Variants in TBC1D15 observed in about 807,000 individuals in gnomAD.
The protein encoded by TBC1D15 is GAP for RAB7.
A neutral mutation model predicts 95.4 loss-of-function variants in TBC1D15; 39 were observed. The ratio of observed to expected loss-of-function variants is 0.41; its 90% CI spans 0.32 to 0.53. The LOEUF (loss-of-function observed/expected upper bound fraction) is 0.53, where lower values mean the gene tolerates loss of function less well. Among genes scored for constraint, TBC1D15 ranks in the 20% least tolerant of loss-of-function variants. TBC1D15 has a pLI of 0.29. For synonymous variants in TBC1D15, 258 were observed against 261.3 expected (o/e 0.99, Z 0.12); for missense variants, 733 against 794.3 (o/e 0.92, Z 0.93).
chr12:71,917,684 A>T lies in TBC1D15; in HGVS notation c.1402-14A>T, dbSNP rs759681855. 1.3e-6 allele frequency: 2 copies of T among 1,546,222 alleles called. No homozygotes were observed. The highest frequency in any genetic ancestry group is 1.8e-6 in the Non-Finnish European group (2 of 1,122,386). On this transcript the variant is annotated splice_polypyrimidine_tract_variant and intron_variant, in intron 12 of 16. Transcript: ENST00000485960. ...TTATTAAATATTACTTGTAACAATT[A>T]TTTCCTTTTAAAGCATCAGAATTTT...
intron 5 of TBC1D15, among the ~76,000 whole-genome samples, chr12:71,890,149 G>A (rs952185952): frequency 6.6e-6 from 1 of 152,038 alleles, no homozygotes; most frequent in Non-Finnish European, 1.5e-5. Flanking sequence ...CAAATAAGTG[G>A]AATTCCCAAA....
chr12:71,918,725 C>A (rs1017823545), intron 14 of TBC1D15, among the ~76,000 whole-genome samples, 177 bp downstream of exon 14: 1 of 152,122 alleles, frequency 6.6e-6, no homozygotes, highest in African/African-American at 2.4e-5. Flanking sequence ...AATATTTGGT[C>A]TTTTGGAGCT....
intron 1 of TBC1D15, among the ~76,000 whole-genome samples, chr12:71,844,804 A>G (rs1885906725): frequency 6.6e-6 from 1 of 152,166 alleles, no homozygotes; most frequent in Admixed American, 6.5e-5. Flanking sequence ...TTCCTCTATT[A>G]CACTCTACTA....
At chr12:71,899,122 T>G (rs1898800955) in intron 10 of TBC1D15, among the ~76,000 whole-genome samples, 1 of 152,206 alleles carries the variant, frequency 6.6e-6, no homozygotes, top group African/African-American at 2.4e-5. Context: ...TAAACCTGTA[T>G]TTTAAGCCTC....
At chr12:71,910,401 A>C (rs1901926000) in intron 11 of TBC1D15, among the ~76,000 whole-genome samples, 1 of 150,612 alleles carries the variant, frequency 6.6e-6, no homozygotes, top group Admixed American at 6.6e-5. Context: ...CTGTGAAGAA[A>C]GTCATTGGTA....
At position 71,915,151 on chromosome 12, in the gene TBC1D15, CCTT is replaced by C. The variant is rs142669208; in HGVS notation, c.1401+1229_1401+1231del. On this transcript the variant is annotated intron_variant, in intron 12 of 16. Coordinates refer to ENST00000485960, the MANE Select transcript of TBC1D15 (RefSeq NM_001146213.3). ...CTTCCTTTTTTGATTGATTTGTCTACCTTCTTAGTTCCATTTACTCCCAAGTGC... is the reference window on the plus strand; with the variant it reads ...CTTCCTTTTTTGATTGATTTGTCTACCTTAGTTCCATTTACTCCCAAGTGC... Among the ~76,000 whole-genome samples the C allele has an allele frequency of 8.8e-4, 134 of 151,866 alleles. 1 individual carries two copies. The East Asian group carries it at 0.018, about 21-fold the overall frequency.
chr12:71,906,916 A>G (rs1216792910), intron 10 of TBC1D15, 106 bp from the exon 11 acceptor site: 2 of 542,074 alleles, frequency 3.7e-6, no homozygotes, highest in Non-Finnish European at 6.3e-6. Context: ...AAGCTTGGTG[A>G]GTGAAATTAA....
At chr12:71,880,371 G>A (rs555575156) in intron 3 of TBC1D15, 98 bp from the exon 4 acceptor site, 25 of 1,004,408 alleles carry the variant, frequency 2.5e-5, no homozygotes, top group Admixed American at 8.3e-5. Flanking sequence ...CAGTGATGTC[G>A]TCTGCAGCCT....
At chr12:71,901,506 G>T (rs941885766) in intron 10 of TBC1D15, among the ~76,000 whole-genome samples, 1 of 152,066 alleles carries the variant, frequency 6.6e-6, no homozygotes, top group Non-Finnish European at 1.5e-5. Context: ...CATGGGACTG[G>T]AGATAAATTT....
chr12:71,878,766 C>T (rs1894511818), intron 3 of TBC1D15, among the ~76,000 whole-genome samples: 1 of 151,392 alleles, frequency 6.6e-6, no homozygotes, highest in African/African-American at 2.4e-5. Context: ...ATCCACCTGC[C>T]TTGGCCTCCC....
At chr12:71,841,079 G>C (rs1403578508) in intron 1 of TBC1D15, 1 of 152,044 alleles carries the variant, frequency 6.6e-6, no homozygotes, top group Non-Finnish European at 1.5e-5. Context: ...TGTCTTGTCA[G>C]TTTTTTTCTT....
chr12:71,908,756 GA>G (rs1474989186), intron 11 of TBC1D15, among the ~76,000 whole-genome samples: 23 of 152,266 alleles, frequency 1.5e-4, no homozygotes, highest in African/African-American at 4.6e-4. Context: ...TACTTGATTT[GA>G]TTTTTAATTC....
chr12:71,880,450 T>C lies in TBC1D15; in HGVS notation c.205-19T>C. The C allele has an allele frequency of 6.6e-7, 1 of 1,522,328 alleles. No homozygotes were observed. The highest frequency in any genetic ancestry group is 1.2e-5 in the South Asian group (1 of 80,328). The allele number at this position is 1,522,328 out of a possible 1,614,324, so 94.3% of individuals were successfully genotyped here. Reference sequence around the variant, plus strand: ...TTTGTTTTAGACTTTAAATATTTTATATGTTATAATTATTTTAGGACTCCA... The same window carrying C: ...TTTGTTTTAGACTTTAAATATTTTACATGTTATAATTATTTTAGGACTCCA... On this transcript the variant is annotated intron_variant, in intron 3 of 16. Coordinates refer to ENST00000485960, the MANE Select transcript of TBC1D15 (RefSeq NM_001146213.3).
rs375212737 is a variant in TBC1D15, at chr12:71,890,011, A to G, written c.555-3211A>G. On this transcript the variant is annotated intron_variant, in intron 5 of 16. Transcript: ENST00000485960. ...GGCTGCGTAGTATTCCATGGTGTAT[A>G]TATACCACATTGTCTTTATCCAGCC... is the stretch of plus-strand genomic sequence containing the variant. 9.9e-5 allele frequency among the ~76,000 whole-genome samples: 15 copies of G among 152,248 alleles called. 1 individual carries two copies. The South Asian group carries it at 1.4e-3, about 15-fold the overall frequency.
chr12:71,916,202 T>G (rs1380313253), intron 12 of TBC1D15, among the ~76,000 whole-genome samples: 1 of 152,138 alleles, frequency 6.6e-6, no homozygotes. Context: ...TACAGACACA[T>G]TTGAAGCCCT....
intron 1 of TBC1D15, among the ~76,000 whole-genome samples, chr12:71,869,366 C>T (rs753854974): frequency 1.3e-5 from 2 of 151,990 alleles, no homozygotes; most frequent in Non-Finnish European, 2.9e-5. Context: ...CTACTAAAAA[C>T]AGAAAAATTA....
At chr12:71,854,340 G>A (rs984478763) in intron 1 of TBC1D15, among the ~76,000 whole-genome samples, 2 of 152,152 alleles carry the variant, frequency 1.3e-5, no homozygotes, top group African/African-American at 4.8e-5. Flanking sequence ...AGAAGTGGAA[G>A]TTTTTATATA....
chr12:71,848,529 C>G (rs1448543701), intron 1 of TBC1D15, among the ~76,000 whole-genome samples: 1 of 151,758 alleles, frequency 6.6e-6, no homozygotes, highest in Admixed American at 6.6e-5. Flanking sequence ...TATTTTTTTT[C>G]AAACTGTGTT....
At chr12:71,859,583 T>A (rs1368928181) in intron 1 of TBC1D15, among the ~76,000 whole-genome samples, 2 of 152,028 alleles carry the variant, frequency 1.3e-5, no homozygotes, top group Non-Finnish European at 2.9e-5. Context: ...AGTTTCATAG[T>A]TTTGGATCTT....
Sources: gnomAD v4.1 joint callset for allele counts (sites outside exome capture counted in the v4.1 genomes callset) on GRCh38, gnomAD v4.1.1 for gene constraint, MANE v1.5 for transcripts, NCBI Gene and HGNC (gene_info 2026-07-23, HGNC 2026-07-21) for gene names.